TGFB2: variants seen among roughly 807,000 people sequenced by gnomAD.
The protein encoded by TGFB2 is transforming growth factor beta-2 proprotein.
A neutral mutation model predicts 42.7 loss-of-function variants in TGFB2; 13 were observed. That is an observed-to-expected ratio of 0.30 (90% CI 0.20 to 0.48). The LOEUF (loss-of-function observed/expected upper bound fraction) is 0.48. TGFB2 is among the 20% of genes least tolerant of loss of function. The pLI, the probability that TGFB2 is intolerant of heterozygous loss-of-function variation, is 0.99. For synonymous variants in TGFB2, 193 were observed against 193.6 expected (o/e 1.00, Z 0.03); for missense variants, 390 against 517.5 (o/e 0.75, Z 2.39).
intron 1 of TGFB2, among the ~76,000 whole-genome samples, chr1:218,396,937 T>A (rs1227043771): frequency 6.6e-6 from 1 of 152,198 alleles, no homozygotes; most frequent in Non-Finnish European, 1.5e-5. Flanking sequence ...TTTCTCTGTC[T>A]TACTCTTTTT....
intron 1 of TGFB2, among the ~76,000 whole-genome samples, chr1:218,383,328 C>A (rs1658024687): frequency 6.6e-6 from 1 of 152,090 alleles, no homozygotes; most frequent in Non-Finnish European, 1.5e-5. Context: ...TGCAAGTGAC[C>A]TTTATTTTTT....
At chr1:218,372,989 C>T (rs1177468393) in intron 1 of TGFB2, among the ~76,000 whole-genome samples, 1 of 152,174 alleles carries the variant, frequency 6.6e-6, no homozygotes, top group East Asian at 1.9e-4. Context: ...CCAGCCTGAT[C>T]ACCATGGACA....
rs920596570 is a variant in TGFB2, at chr1:218,345,868, G to A, written c.-834G>A. 1.3e-5 allele frequency among the ~76,000 whole-genome samples: 2 copies of A among 152,048 alleles called. No individual in the cohort carries two copies. The highest frequency in any genetic ancestry group is 2.9e-5 in the Non-Finnish European group (2 of 67,986). On this transcript the variant is annotated 5_prime_UTR_variant, in exon 1 of 7. The change creates a new upstream start codon in the 5' untranslated region. Transcript: ENST00000366930. ...GTTTGCAAGCGGCGGCGGCAGCAAC[G>A]TGGAGTAACCAAGCGGGTCAGCGCG...
chr1:218,380,853 G>A (rs1657935477), intron 1 of TGFB2, among the ~76,000 whole-genome samples: 1 of 152,162 alleles, frequency 6.6e-6, no homozygotes, highest in African/African-American at 2.4e-5. Flanking sequence ...AAAAATAACA[G>A]AGGCTAACAT....
intron 1 of TGFB2, among the ~76,000 whole-genome samples, chr1:218,367,947 C>T (rs1657440236): frequency 6.6e-6 from 1 of 151,884 alleles, no homozygotes; most frequent in Non-Finnish European, 1.5e-5. Flanking sequence ...GGACTACAGC[C>T]GCACGCCGCC....
chr1:218,375,408 T>A (rs1657707814), intron 1 of TGFB2, among the ~76,000 whole-genome samples: 1 of 57,008 alleles, frequency 1.8e-5, no homozygotes, highest in African/African-American at 1.3e-4. Flanking sequence ...CTTTCTGAAC[T>A]TTTTTTTTTT....
Position 218,383,298 on chromosome 1 carries a change from T to C in TGFB2, c.347-21871T>C, listed in dbSNP as rs368319707. Among the ~76,000 whole-genome samples the C allele has an allele frequency of 5.4e-4, 83 of 152,326 alleles. 1 individual carries two copies. The South Asian group carries it at 0.017, about 32-fold the overall frequency. On this transcript the variant is annotated intron_variant, in intron 1 of 6. Coordinates refer to ENST00000366930, the MANE Select transcript of TGFB2 (RefSeq NM_003238.6). ...GAATCTGAAACCTCTGTTTTGTCAA[T>C]GCATAATTCTACAGGAATTTGCAAG...
At chr1:218,347,117 TC>T (rs1439035507) in intron 1 of TGFB2, 70 bp downstream of exon 1, 39 of 1,420,356 alleles carry the variant, frequency 2.7e-5, no homozygotes, top group Non-Finnish European at 3.4e-5. Context: ...CCGCAGCAGC[TC>T]CCGGGATCGC....
At chr1:218,413,413 G>A (rs1226826116) in intron 2 of TGFB2, among the ~76,000 whole-genome samples, 1 of 152,172 alleles carries the variant, frequency 6.6e-6, no homozygotes, top group Non-Finnish European at 1.5e-5. Flanking sequence ...CAGTAGAAGA[G>A]AAATGTGCTG....
At chr1:218,390,753 C>T (rs985794137) in intron 1 of TGFB2, among the ~76,000 whole-genome samples, 1 of 152,168 alleles carries the variant, frequency 6.6e-6, no homozygotes, top group Non-Finnish European at 1.5e-5. Context: ...TTAAAACAAG[C>T]ATAACACCCT....
At chr1:218,434,538 G>A (rs1162137741) in intron 4 of TGFB2, 90 bp downstream of exon 4, 1 of 826,740 alleles carries the variant, frequency 1.2e-6, no homozygotes. Context: ...ATGTGAAAAT[G>A]AGACTGGTAA....
intron 1 of TGFB2, 62 bp from the exon 2 acceptor site, chr1:218,405,105 TAC>T (rs1658863242): frequency 4.0e-6 from 6 of 1,505,682 alleles, no homozygotes; most frequent in South Asian, 1.3e-5. Context: ...TATCTCACGC[TAC>T]AGTCTTCTCT....
chr1:218,437,243 T>C (rs1659998706), intron 5 of TGFB2, 100 bp from the exon 6 acceptor site: 1 of 1,203,548 alleles, frequency 8.3e-7, no homozygotes, highest in East Asian at 2.4e-5. Flanking sequence ...GTTGAATAAA[T>C]GAATGAATCA....
chr1:218,424,118 G>A (rs776315963), intron 2 of TGFB2, among the ~76,000 whole-genome samples: 5 of 152,168 alleles, frequency 3.3e-5, no homozygotes, highest in Non-Finnish European at 5.9e-5. Context: ...TTTTTCTGCT[G>A]TATACCCTGC....
At chr1:218,353,967 C>T (rs1343670924) in intron 1 of TGFB2, among the ~76,000 whole-genome samples, 1 of 152,118 alleles carries the variant, frequency 6.6e-6, no homozygotes, top group Non-Finnish European at 1.5e-5. Flanking sequence ...CTTGATTGTC[C>T]TAGTCTTATT....
At chr1:218,438,438 A>G (rs1248804815) in intron 6 of TGFB2, among the ~76,000 whole-genome samples, 3 of 152,226 alleles carry the variant, frequency 2.0e-5, no homozygotes, top group Non-Finnish European at 2.9e-5. Context: ...GTAATTTAAC[A>G]TCTCTAAACC....
chr1:218,373,099 A>C (rs1657622935), intron 1 of TGFB2, among the ~76,000 whole-genome samples: 2 of 152,104 alleles, frequency 1.3e-5, no homozygotes, highest in Non-Finnish European at 2.9e-5. Context: ...AATCGCTTGA[A>C]TCTGGGAGGC....
intron 1 of TGFB2, among the ~76,000 whole-genome samples, chr1:218,359,812 T>C (rs921918128): frequency 2.6e-5 from 4 of 152,188 alleles, no homozygotes; most frequent in Non-Finnish European, 4.4e-5. Flanking sequence ...GCTTATTTGA[T>C]AGGGAGTTTA....
At chr1:218,424,272 C>G (rs1010708586) in intron 2 of TGFB2, among the ~76,000 whole-genome samples, 1 of 152,188 alleles carries the variant, frequency 6.6e-6, no homozygotes, top group Non-Finnish European at 1.5e-5. Context: ...TGCTAGTGCT[C>G]TGTGGCTCCG....
Sources: allele counts gnomAD v4.1 joint callset (sites outside exome capture counted in the v4.1 genomes callset), GRCh38; gene constraint gnomAD v4.1.1; transcripts MANE v1.5; gene names NCBI Gene and HGNC (gene_info 2026-07-23, HGNC 2026-07-21).